The following TENM4 variants were observed in gnomAD, a reference collection of about 807,000 sequenced individuals.
TENM4 encodes teneurin-4.
In TENM4, 82 loss-of-function variants were observed where a neutral mutation model predicts 243.3. The observed-to-expected ratio is 0.34, with a 90% CI of 0.28 to 0.40. The LOEUF (loss-of-function observed/expected upper bound fraction) is 0.40, where lower values mean the gene tolerates loss of function less well. Ranked by LOEUF, TENM4 falls within the 10% of genes least tolerant of loss-of-function variation. The pLI is 1.00. For synonymous variants in TENM4, 1,412 were observed against 1,456.3 expected, an observed-to-expected ratio of 0.97 and a Z score of 0.69; for missense variants, 3,138 against 3,673.3, an observed-to-expected ratio of 0.85 and a Z score of 3.77.
At chr11:78,953,980 T>C (rs1232167032) in intron 6 of TENM4, among the ~76,000 whole-genome samples, 1 of 152,254 alleles carries the variant, frequency 6.6e-6, no homozygotes, top group Non-Finnish European at 1.5e-5. Flanking sequence ...TTTCTGTTTT[T>C]CTTCTGGCTT....
chr11:78,743,141 T>C (rs779121048), intron 19 of TENM4, among the ~76,000 whole-genome samples: 2 of 152,106 alleles, frequency 1.3e-5, no homozygotes, highest in Non-Finnish European at 2.9e-5. Flanking sequence ...CATGCAATAC[T>C]TATACTTATC....
At chr11:78,976,413 T>TA (rs1857655828) in intron 6 of TENM4, among the ~76,000 whole-genome samples, 1 of 151,998 alleles carries the variant, frequency 6.6e-6, no homozygotes, top group African/African-American at 2.4e-5. Context: ...AATAAAAAGT[T>TA]TAAAAAAAAA....
At chr11:79,361,291 A>G (rs1232989756) in intron 1 of TENM4, among the ~76,000 whole-genome samples, 1 of 152,222 alleles carries the variant, frequency 6.6e-6, no homozygotes, top group Non-Finnish European at 1.5e-5. Flanking sequence ...CTTGTGTCAG[A>G]TTCATGATTT....
chr11:78,883,480 T>G (rs576582175), intron 9 of TENM4, among the ~76,000 whole-genome samples: 7 of 152,218 alleles, frequency 4.6e-5, no homozygotes, highest in Non-Finnish European at 1.0e-4. Context: ...ATGGCGCCAC[T>G]GCCCTGCAGG....
At chr11:79,124,351 A>G (rs1861817153) in intron 4 of TENM4, among the ~76,000 whole-genome samples, 1 of 152,188 alleles carries the variant, frequency 6.6e-6, no homozygotes, top group African/African-American at 2.4e-5. Flanking sequence ...ATGGATTGGC[A>G]AAATCTAATC....
chr11:78,863,053 G>T lies in TENM4; in HGVS notation c.1164C>A (p.Ser388Arg), dbSNP rs1289394647. The stretch of plus-strand genomic sequence containing the variant: ...AGACGTCGGTTGGCACAGGCCAACT[G>T]CTGGCTGTGTCCTCCGTGATCTCAT... ...QMYEITEDTA[S>R]SWPVPTDVSL... Residue 388 changes from serine to arginine, a missense_variant, in exon 10 of 34, where the codon AGC becomes AGA. Physicochemically the swap from Ser to Arg is moderately radical, Grantham distance 110. Coordinates refer to ENST00000278550, the MANE Select transcript of TENM4 (RefSeq NM_001098816.3). 4.6e-6 allele frequency: 7 copies of T among 1,538,454 alleles called. No homozygotes were observed. Among genetic ancestry groups the T allele is most frequent in the Admixed American group, 2.0e-5 (1 of 50,654 alleles).
intron 4 of TENM4, among the ~76,000 whole-genome samples, chr11:79,086,093 C>T (rs192260687): frequency 1.2e-3 from 182 of 152,362 alleles, no homozygotes; most frequent in African/African-American, 4.2e-3. Context: ...TTTCCAAACT[C>T]TTGTGTAGTC....
At chr11:79,212,436 T>G (rs913425347) in intron 3 of TENM4, among the ~76,000 whole-genome samples, 5 of 152,366 alleles carry the variant, frequency 3.3e-5, no homozygotes, top group Admixed American at 2.6e-4. Context: ...TTCCCTTTTT[T>G]GTCCCCTACT....
chr11:79,110,822 G>A (rs1032803402), intron 4 of TENM4, among the ~76,000 whole-genome samples: 4 of 152,150 alleles, frequency 2.6e-5, no homozygotes, highest in Admixed American at 2.6e-4. Context: ...TAAAGCACCC[G>A]ACCCTGCTCT....
chr11:78,710,647 T>C (rs374645511), intron 26 of TENM4, among the ~76,000 whole-genome samples: 1 of 152,226 alleles, frequency 6.6e-6, no homozygotes, highest in Admixed American at 6.5e-5. Context: ...GTTTACAGAG[T>C]TGGCTGCACA....
chr11:78,738,807 T>TC (rs1166768708), intron 19 of TENM4, among the ~76,000 whole-genome samples: 1 of 152,188 alleles, frequency 6.6e-6, no homozygotes, highest in Non-Finnish European at 1.5e-5. Context: ...ATGATCTCAC[T>TC]CGGAGGTTAT....
At chr11:78,889,096 A>G (rs1455342529) in intron 9 of TENM4, among the ~76,000 whole-genome samples, 3 of 152,218 alleles carry the variant, frequency 2.0e-5, no homozygotes, top group Non-Finnish European at 2.9e-5. Flanking sequence ...ATCAAGGCAG[A>G]GGTCGGGAGG....
intron 6 of TENM4, among the ~76,000 whole-genome samples, chr11:78,920,361 GT>G (rs912629614): frequency 6.6e-6 from 1 of 152,106 alleles, no homozygotes; most frequent in African/African-American, 2.4e-5. Context: ...TTTCTACTTC[GT>G]AAGAAAAATG....
At chr11:78,813,857 A>G (rs997765741) in intron 13 of TENM4, among the ~76,000 whole-genome samples, 2 of 152,222 alleles carry the variant, frequency 1.3e-5, no homozygotes, top group Non-Finnish European at 2.9e-5. Context: ...CTGTGCTGTT[A>G]GAAAGTAGCA....
At chr11:79,271,267 TTA>T (rs904830947) in intron 2 of TENM4, among the ~76,000 whole-genome samples, 2 of 152,128 alleles carry the variant, frequency 1.3e-5, no homozygotes, top group African/African-American at 4.8e-5. Flanking sequence ...CCCCAAAGGG[TTA>T]TGTCTTTGAA....
chr11:78,718,323 G>A (rs1043486168), intron 25 of TENM4, among the ~76,000 whole-genome samples: 3 of 152,114 alleles, frequency 2.0e-5, no homozygotes, highest in Non-Finnish European at 4.4e-5. Context: ...ATCTTAGAAA[G>A]TTTTTAGTAC....
chr11:78,664,754 G>A (rs1480691044), intron 32 of TENM4, among the ~76,000 whole-genome samples: 1 of 152,096 alleles, frequency 6.6e-6, no homozygotes, highest in Admixed American at 6.5e-5. Context: ...AACAGAACAG[G>A]AGGAAAAAAT....
chr11:79,047,882 T>A (rs34978090), intron 6 of TENM4, among the ~76,000 whole-genome samples: 2,253 of 152,294 alleles, frequency 0.015, 24 homozygotes, highest in Non-Finnish European at 0.022. Flanking sequence ...TTATGTAATA[T>A]CTGACCTGTA....
intron 1 of TENM4, among the ~76,000 whole-genome samples, chr11:79,411,352 G>T (rs758790242): frequency 1.3e-5 from 2 of 152,130 alleles, no homozygotes; most frequent in Non-Finnish European, 2.9e-5. Context: ...CTAATACAAT[G>T]CCCTAGGCAC....
Sources: allele counts gnomAD v4.1 joint callset (sites outside exome capture counted in the v4.1 genomes callset), GRCh38; gene constraint gnomAD v4.1.1; transcripts MANE v1.5; gene names NCBI Gene and HGNC (gene_info 2026-07-23, HGNC 2026-07-21).